ARL5A: variants seen among roughly 807,000 people sequenced by gnomAD.
ARL5A encodes the protein ADP-ribosylation factor-like protein 5A.
A neutral mutation model predicts 25.9 loss-of-function variants in ARL5A; 18 were observed. The ratio of observed to expected loss-of-function variants is 0.69; its 90% CI spans 0.48 to 1.03. The LOEUF is 1.03. ARL5A is among the 50% of genes least tolerant of loss of function. ARL5A has a pLI of 0.00. For missense variants in ARL5A, 170 were observed against 211.9 expected (o/e 0.80, Z 1.23); for synonymous variants, 61 against 67.5 (o/e 0.90, Z 0.47).
At chr2:151,820,678 A>C (rs1461163230) in intron 1 of ARL5A, among the ~76,000 whole-genome samples, 1 of 150,626 alleles carries the variant, frequency 6.6e-6, no homozygotes, top group African/African-American at 2.4e-5. Flanking sequence ...AAAAAAAAAA[A>C]AAAAAAACAG....
At chr2:151,824,862 T>C (rs1284517849) in intron 1 of ARL5A, among the ~76,000 whole-genome samples, 1 of 152,136 alleles carries the variant, frequency 6.6e-6, no homozygotes, top group African/African-American at 2.4e-5. Flanking sequence ...AAAATCCAGG[T>C]CTATCACTTT....
At chr2:151,804,665 T>C (rs2099829864) in intron 5 of ARL5A, among the ~76,000 whole-genome samples, 1 of 152,170 alleles carries the variant, frequency 6.6e-6, no homozygotes, top group Non-Finnish European at 1.5e-5. Flanking sequence ...AGTAGTTACC[T>C]AATAGCAAAC....
At chr2:151,806,657 A>C (rs994314258) in intron 5 of ARL5A, among the ~76,000 whole-genome samples, 164 bp downstream of exon 5, 15 of 152,204 alleles carry the variant, frequency 9.9e-5, no homozygotes, top group African/African-American at 3.6e-4. Flanking sequence ...CTATTTACAG[A>C]ACCACCCTAA....
chr2:151,806,747 A>C (rs1030117206), intron 5 of ARL5A, 74 bp downstream of exon 5: 1 of 1,411,394 alleles, frequency 7.1e-7, no homozygotes, highest in Non-Finnish European at 9.6e-7. Context: ...TTAAATATTT[A>C]GGAGTTTAAA....
intron 1 of ARL5A, among the ~76,000 whole-genome samples, chr2:151,818,566 T>G (rs1207399383): frequency 6.6e-6 from 1 of 152,220 alleles, no homozygotes; most frequent in African/African-American, 2.4e-5. Flanking sequence ...TGCAAGCCAC[T>G]GTACCTGGTC....
chr2:151,800,227 T>C lies in ARL5A; in HGVS notation c.*3049A>G, dbSNP rs903773881. 3 of 75,076 alleles carry C rather than the reference T, an allele frequency of 4.0e-5. No homozygotes were observed. The highest frequency in any genetic ancestry group is 3.7e-4 in the Admixed American group (2 of 5,386). 4.7% of individuals were successfully genotyped at this position (75,076 alleles called of 1,614,324 possible). Reference sequence around the variant, plus strand: ...ACAGGTTTGGAGGTTGTCTGTACTGTATGTGGTTGCTGTAGTGACAAGAAA... The same window carrying C: ...ACAGGTTTGGAGGTTGTCTGTACTGCATGTGGTTGCTGTAGTGACAAGAAA... On this transcript the variant is annotated 3_prime_UTR_variant, in exon 6 of 6. Coordinates refer to ENST00000295087, the MANE Select transcript of ARL5A (RefSeq NM_012097.4).
chr2:151,819,415 G>A (rs545650066), intron 1 of ARL5A, among the ~76,000 whole-genome samples: 1 of 152,252 alleles, frequency 6.6e-6, no homozygotes, highest in Admixed American at 6.5e-5. Flanking sequence ...GAGCCACCTC[G>A]TATCATCTTG....
rs185693349 is a variant in ARL5A, at chr2:151,800,085, G to A, written c.*3191C>T. The A allele has an allele frequency of 3.3e-4, 50 of 152,306 alleles. 1 individual carries two copies. Among genetic ancestry groups the A allele is most frequent in the East Asian group, 1.7e-3 (9 of 5,194 alleles). The allele number at this position is 152,306 out of a possible 1,614,324, so 9.4% of individuals were successfully genotyped here. A position where few individuals can be genotyped will look rare whatever the true frequency, so the allele number is the denominator to read the frequency against. On this transcript the variant is annotated 3_prime_UTR_variant, in exon 6 of 6. Transcript: ENST00000295087. ...AGAAGACTGGAGTTTGGAGATAACC[G>A]ATGATGTGGTATTATCTCCTGTATA...
At chr2:151,811,189 A>G (rs2099830791) in intron 4 of ARL5A, among the ~76,000 whole-genome samples, 1 of 152,216 alleles carries the variant, frequency 6.6e-6, no homozygotes, top group South Asian at 2.1e-4. Context: ...TAGGTTCCCT[A>G]AAGCCCTGAA....
At chr2:151,804,434 AT>A (rs1263558174) in intron 5 of ARL5A, among the ~76,000 whole-genome samples, 2 of 152,132 alleles carry the variant, frequency 1.3e-5, no homozygotes, top group Non-Finnish European at 2.9e-5. Context: ...ACAATATTAA[AT>A]TTTTTTCAAT....
intron 1 of ARL5A, among the ~76,000 whole-genome samples, chr2:151,823,001 G>A (rs944925132): frequency 3.9e-5 from 6 of 152,202 alleles, no homozygotes; most frequent in African/African-American, 1.4e-4. Context: ...AATTGTTATT[G>A]TAGAGAATTA....
At chr2:151,823,766 A>G (rs1342346032) in intron 1 of ARL5A, among the ~76,000 whole-genome samples, 1 of 152,182 alleles carries the variant, frequency 6.6e-6, no homozygotes, top group African/African-American at 2.4e-5. Flanking sequence ...GTGCTGAGGA[A>G]AACTGTTTAT....
At chr2:151,823,770 T>C (rs1400367693) in intron 1 of ARL5A, among the ~76,000 whole-genome samples, 3 of 152,154 alleles carry the variant, frequency 2.0e-5, no homozygotes, top group Admixed American at 6.5e-5. Context: ...TGAGGAAAAC[T>C]GTTTATTGAG....
chr2:151,817,877 T>C (rs530755348), intron 1 of ARL5A, among the ~76,000 whole-genome samples: 2 of 152,286 alleles, frequency 1.3e-5, no homozygotes, highest in East Asian at 3.9e-4. Flanking sequence ...TGGTGGCACA[T>C]ACCTGCAATC....
At chr2:151,820,685 A>AAC (rs915011696) in intron 1 of ARL5A, among the ~76,000 whole-genome samples, 1 of 150,496 alleles carries the variant, frequency 6.6e-6, no homozygotes, top group East Asian at 1.9e-4. Flanking sequence ...AAAAAAAAAA[A>AAC]CAGAATCCAT....
intron 4 of ARL5A, among the ~76,000 whole-genome samples, chr2:151,808,719 G>A (rs1345294303): frequency 6.6e-6 from 1 of 152,200 alleles, no homozygotes; most frequent in African/African-American, 2.4e-5. Flanking sequence ...AGGATATACA[G>A]TAAATATTTT....
intron 1 of ARL5A, among the ~76,000 whole-genome samples, chr2:151,827,227 T>C (rs1404831923): frequency 2.6e-5 from 4 of 152,222 alleles, no homozygotes; most frequent in Non-Finnish European, 5.9e-5. Context: ...TATCCAGTCT[T>C]TGGGTTAAAA....
chr2:151,804,601 G>T (rs2099829854), intron 5 of ARL5A, among the ~76,000 whole-genome samples: 1 of 152,090 alleles, frequency 6.6e-6, no homozygotes, highest in South Asian at 2.1e-4. Flanking sequence ...ATAGGAAACA[G>T]TACACAAAAA....
intron 1 of ARL5A, among the ~76,000 whole-genome samples, chr2:151,825,092 A>C (rs537772826): frequency 2.9e-4 from 44 of 152,350 alleles, no homozygotes; most frequent in African/African-American, 1.0e-3. Flanking sequence ...AAAGCTCCAT[A>C]AAGGCAGTGG....
Sources: allele counts gnomAD v4.1 joint callset (sites outside exome capture counted in the v4.1 genomes callset), GRCh38; gene constraint gnomAD v4.1.1; transcripts MANE v1.5; gene names NCBI Gene and HGNC (gene_info 2026-07-23, HGNC 2026-07-21).